The following TTC7B variants were observed in gnomAD, a reference collection of about 807,000 sequenced individuals.
TTC7B encodes the protein tetratricopeptide repeat domain 7B, also known as tetratricopeptide repeat protein 7B.
In TTC7B, 28 loss-of-function variants were observed where a neutral mutation model predicts 106.8. The ratio of observed to expected loss-of-function variants is 0.26; its 90% CI spans 0.19 to 0.36. The LOEUF is 0.36. Ranked by LOEUF, TTC7B falls within the 10% of genes least tolerant of loss-of-function variation. TTC7B has a pLI of 1.00. For synonymous variants in TTC7B, 405 were observed against 430.6 expected (o/e 0.94, Z 0.74); for missense variants, 862 against 1,076.4 (o/e 0.80, Z 2.79).
At chr14:90,646,745 A>G (rs1885472731) in intron 14 of TTC7B, 2 of 568,240 alleles carry the variant, frequency 3.5e-6, no homozygotes, top group African/African-American at 3.8e-5. Context: ...CCAATAGCAG[A>G]GCCTGGAACT....
At chr14:90,762,634 C>G (rs1890537606) in intron 3 of TTC7B, among the ~76,000 whole-genome samples, 1 of 152,180 alleles carries the variant, frequency 6.6e-6, no homozygotes, top group African/African-American at 2.4e-5. Context: ...TATTGCTTCC[C>G]TTGACTATGA....
intron 18 of TTC7B, among the ~76,000 whole-genome samples, chr14:90,592,769 A>T (rs1892016602): frequency 1.3e-5 from 2 of 151,582 alleles, no homozygotes; most frequent in South Asian, 4.2e-4. Context: ...GTGCAGAAGC[A>T]TCGCTGAGCC....
Position 90,742,749 on chromosome 14 carries a change from T to A in TTC7B, c.576+2043A>T, listed in dbSNP as rs928145648. Among the ~76,000 whole-genome samples the A allele has an allele frequency of 4.6e-5, 7 of 152,218 alleles. No homozygotes were observed. Among genetic ancestry groups the A allele is most frequent in the Admixed American group, 1.3e-4 (2 of 15,272 alleles). On this transcript the variant is annotated intron_variant, in intron 4 of 19. Transcript: ENST00000328459. This position sits in a 1 kb window ranked among gnomAD's most constrained non-coding sequence, Gnocchi z 4.1. ...TTTAAATCCTACGACTATACAAGCC[T>A]CCTTGATGTTCCTGCTGAAGAACCC...
chr14:90,566,276 G>C (rs1321365362), intron 19 of TTC7B, among the ~76,000 whole-genome samples: 1 of 151,942 alleles, frequency 6.6e-6, no homozygotes, highest in African/African-American at 2.4e-5. Context: ...CCTGGGAGGC[G>C]GAGGTTGCAG....
intron 16 of TTC7B, among the ~76,000 whole-genome samples, chr14:90,615,828 C>T (rs1219594495): frequency 2.0e-5 from 3 of 152,196 alleles, no homozygotes; most frequent in Non-Finnish European, 4.4e-5. Flanking sequence ...ATTCACCACT[C>T]CTCCCTCCAG....
chr14:90,676,564 T>A lies in TTC7B; in HGVS notation c.1111A>T (p.Ile371Phe). 1 of 1,614,066 alleles carries A rather than the reference T, an allele frequency of 6.2e-7. No homozygotes were observed. Among genetic ancestry groups the A allele is most frequent in the African/African-American group, 1.3e-5 (1 of 74,998 alleles). Residue 371 changes from isoleucine to phenylalanine, a missense_variant, in exon 9 of 20, where the codon ATT (isoleucine) becomes TTT (phenylalanine). Physicochemically the swap from Ile to Phe is conservative, Grantham distance 21. Coordinates refer to ENST00000328459, the MANE Select transcript of TTC7B (RefSeq NM_001010854.2). ...TACTGGCCTCTTCTTCCAAGAGCAA[T>A]GGTGAGTAAGTCATAGACCACAGAT... ...SASVVYDLLT[I>F]ALGRRGQYEM...
chr14:90,777,187 C>T (rs57050524), intron 3 of TTC7B, among the ~76,000 whole-genome samples: 38 of 152,278 alleles, frequency 2.5e-4, no homozygotes, highest in African/African-American at 8.9e-4. Context: ...TTGCAGTGGG[C>T]CGAGATTGTG....
At chr14:90,789,647 GCA>G (rs2140044301) in intron 1 of TTC7B, among the ~76,000 whole-genome samples, 1 of 66,768 alleles carries the variant, frequency 1.5e-5, no homozygotes, top group African/African-American at 2.8e-5. Context: ...TGTAATCCCA[GCA>G]CTTTTAGGAG....
At chr14:90,676,390 A>T in intron 9 of TTC7B, 133 bp downstream of exon 9, 1 of 1,070,846 alleles carries the variant, frequency 9.3e-7, no homozygotes, top group Non-Finnish European at 1.3e-6. Context: ...AACCAAAGTT[A>T]AGTGACTGGC....
intron 4 of TTC7B, among the ~76,000 whole-genome samples, chr14:90,736,893 T>TA (rs58051350): frequency 0.3 from 27,108 of 91,714 alleles, 4,613 homozygotes; most frequent in East Asian, 0.37. Context: ...CCATGTCTCT[T>TA]AAAAAAAAAA....
chr14:90,576,488 C>T (rs1325907048), intron 19 of TTC7B, among the ~76,000 whole-genome samples: 1 of 152,202 alleles, frequency 6.6e-6, no homozygotes, highest in African/African-American at 2.4e-5. Context: ...CTTTTTAAAA[C>T]TGAAAATGAC....
In TTC7B at chr14:90,570,432, C is replaced by T. The variant is rs1006132425; in HGVS notation, c.2310+7674G>A. Among the ~76,000 whole-genome samples the T allele has an allele frequency of 1.3e-5, 2 of 152,136 alleles. No homozygotes were observed. The highest frequency in any genetic ancestry group is 2.4e-5 in the African/African-American group (1 of 41,426). On this transcript the variant is annotated intron_variant, in intron 19 of 19. Coordinates refer to ENST00000328459, the MANE Select transcript of TTC7B (RefSeq NM_001010854.2). This position sits in a 1 kb window ranked among gnomAD's most constrained non-coding sequence, Gnocchi z 4.0. The stretch of plus-strand genomic sequence containing the variant: ...GGTTCTGATGACCTCTGCTCAAAAT[C>T]CAACACTTTCTATCTCCGCCTAGGA...
At chr14:90,640,676 G>C (rs565341800) in intron 15 of TTC7B, among the ~76,000 whole-genome samples, 2 of 152,232 alleles carry the variant, frequency 1.3e-5, no homozygotes, top group Admixed American at 6.5e-5. Context: ...TACTTCAGTA[G>C]TATTGGTAGT....
chr14:90,670,900 G>A (rs78713651), intron 9 of TTC7B, among the ~76,000 whole-genome samples: 33,331 of 151,990 alleles, frequency 0.22, 3,822 homozygotes, highest in Admixed American at 0.3. Context: ...GGGCCTGCCT[G>A]GGGAAGATAC....
At chr14:90,558,754 G>A (rs1037220857) in intron 19 of TTC7B, among the ~76,000 whole-genome samples, 2 of 152,198 alleles carry the variant, frequency 1.3e-5, no homozygotes, top group African/African-American at 2.4e-5. Context: ...GTGCATTAGC[G>A]CCGACAAACA....
At chr14:90,737,544 CTGTTT>C (rs1889585056) in intron 4 of TTC7B, among the ~76,000 whole-genome samples, 1 of 118,774 alleles carries the variant, frequency 8.4e-6, no homozygotes, top group Non-Finnish European at 1.7e-5. Flanking sequence ...TTGTATGATT[CTGTTT>C]TTTTTTTTTT....
intron 15 of TTC7B, among the ~76,000 whole-genome samples, chr14:90,622,322 T>C (rs1884242372): frequency 6.6e-6 from 1 of 151,940 alleles, no homozygotes; most frequent in Non-Finnish European, 1.5e-5. Context: ...TTTCACCATG[T>C]TGGGCAGGCT....
At chr14:90,677,112 C>T (rs549774332) in intron 8 of TTC7B, among the ~76,000 whole-genome samples, 15 of 152,304 alleles carry the variant, frequency 9.8e-5, no homozygotes, top group African/African-American at 3.6e-4. Flanking sequence ...TTTCCCAACA[C>T]CCAATTGTGT....
chr14:90,558,557 C>A (rs1371479278), intron 19 of TTC7B, among the ~76,000 whole-genome samples: 2 of 152,242 alleles, frequency 1.3e-5, no homozygotes, highest in Admixed American at 1.3e-4. Flanking sequence ...CACTATTTTT[C>A]CATTTTTAAA....
Sources: gnomAD v4.1 joint callset for allele counts (sites outside exome capture counted in the v4.1 genomes callset) on GRCh38, gnomAD v4.1.1 for gene constraint, Gnocchi (gnomAD v3.1) non-coding constraint, MANE v1.5 for transcripts, NCBI Gene and HGNC (gene_info 2026-07-23, HGNC 2026-07-21) for gene names.